Variants in SWT1 observed in about 807,000 individuals in gnomAD.
SWT1 encodes the protein transcriptional protein SWT1.
In SWT1, 33 loss-of-function variants were observed where a neutral mutation model predicts 107.3. That is an observed-to-expected ratio of 0.31 (90% CI 0.23 to 0.41). The LOEUF (loss-of-function observed/expected upper bound fraction) is 0.41, where lower values mean the gene tolerates loss of function less well. Ranked by LOEUF, SWT1 falls within the 10% of genes least tolerant of loss-of-function variation. The pLI is 1.00. For synonymous variants in SWT1, 345 were observed against 348.3 expected (o/e 0.99, Z 0.11); for missense variants, 898 against 1,028.9 (o/e 0.87, Z 1.74).
At chr1:185,179,890 C>G (rs1655876304) in intron 5 of SWT1, among the ~76,000 whole-genome samples, 2 of 152,190 alleles carry the variant, frequency 1.3e-5, no homozygotes, top group Admixed American at 1.3e-4. Flanking sequence ...TTTCGATTGT[C>G]AAGATTGAGG....
intron 16 of SWT1, among the ~76,000 whole-genome samples, chr1:185,256,913 T>G (rs1421812989): frequency 6.6e-6 from 1 of 152,202 alleles, no homozygotes; most frequent in Non-Finnish European, 1.5e-5. Context: ...TTTGTGGTTT[T>G]ATTTACTTTT....
At chr1:185,267,259 G>A (rs2102715677) in intron 16 of SWT1, among the ~76,000 whole-genome samples, 1 of 152,278 alleles carries the variant, frequency 6.6e-6, no homozygotes, top group Non-Finnish European at 1.5e-5. Flanking sequence ...AATTCGAACG[G>A]TAACTTTATG....
chr1:185,240,520 T>C (rs575267729), intron 16 of SWT1, among the ~76,000 whole-genome samples: 1 of 152,188 alleles, frequency 6.6e-6, no homozygotes, highest in South Asian at 2.1e-4. Flanking sequence ...TTTCTAGCTG[T>C]CATTTTGTTT....
intron 16 of SWT1, among the ~76,000 whole-genome samples, chr1:185,247,872 T>A (rs913732136): frequency 6.6e-6 from 1 of 152,214 alleles, no homozygotes; most frequent in Non-Finnish European, 1.5e-5. Flanking sequence ...GTGTTTTTTT[T>A]TCCTTCCTAA....
intron 16 of SWT1, among the ~76,000 whole-genome samples, chr1:185,257,316 G>A (rs867238526): frequency 6.6e-6 from 1 of 152,052 alleles, no homozygotes; most frequent in African/African-American, 2.4e-5. Flanking sequence ...CACCCAGTTC[G>A]AGCTTCCTGG....
chr1:185,284,526 C>T (rs567477166), intron 18 of SWT1, among the ~76,000 whole-genome samples: 3 of 152,262 alleles, frequency 2.0e-5, no homozygotes, highest in Middle Eastern at 3.4e-3. Context: ...AGACAGCTGC[C>T]CCTGGTGTGT....
Position 185,231,629 on chromosome 1 carries a change from A to G in SWT1, c.2362A>G (p.Ile788Val). ...GSNSALTTSN[I>V]ASFEEAFICL... ...AAATTCAGCTCTGACTACTTCAAAT[A>G]TAGCATCATTTGAAGAAGCATTTAT... The change falls in exon 16 of 19, where the codon ATA becomes GTA. Residue 788 changes from isoleucine (I) to valine (V), a missense_variant. Physicochemically the swap from Ile to Val is conservative, Grantham distance 29 (BLOSUM62 3). Coordinates refer to ENST00000367500, the MANE Select transcript of SWT1 (RefSeq NM_017673.7). 3.7e-6 allele frequency: 6 copies of G among 1,605,330 alleles called. No homozygotes were observed. Among genetic ancestry groups the G allele is most frequent in the Admixed American group, 1.7e-5 (1 of 59,998 alleles).
chr1:185,236,098 A>G (rs796968193), intron 16 of SWT1, among the ~76,000 whole-genome samples: 18 of 152,316 alleles, frequency 1.2e-4, no homozygotes, highest in African/African-American at 4.1e-4. Context: ...GGAAGAATCA[A>G]TATCATCAAA....
Position 185,238,863 on chromosome 1 carries a change from T to A in SWT1, c.2441+7155T>A, listed in dbSNP as rs75900900. Among the ~76,000 whole-genome samples, 847 of 152,130 alleles carry A rather than the reference T, an allele frequency of 5.6e-3. 33 individuals are homozygous for A. In the East Asian group the frequency reaches 0.094, roughly 17 times the overall value. ...ATCAAAAGAAGCTCAGTTTAAAAATTTTTTTGCTAAATATTGTTTTAAAAT... is the reference window on the plus strand; with the variant it reads ...ATCAAAAGAAGCTCAGTTTAAAAATATTTTTGCTAAATATTGTTTTAAAAT... On this transcript the variant is annotated intron_variant, in intron 16 of 18. Transcript: ENST00000367500.
chr1:185,178,723 C>A (rs977232755), intron 5 of SWT1, among the ~76,000 whole-genome samples: 21 of 152,090 alleles, frequency 1.4e-4, no homozygotes, highest in Non-Finnish European at 2.9e-4. Flanking sequence ...TGTTAATAAT[C>A]TCTGGCTTGT....
At chr1:185,273,078 A>AATGAATGG (rs1239623178) in intron 17 of SWT1, among the ~76,000 whole-genome samples, 6 of 151,864 alleles carry the variant, frequency 4.0e-5, no homozygotes, top group Non-Finnish European at 7.4e-5. Context: ...TTATTTAAGC[A>AATGAATGG]ATGAATGGTG....
intron 15 of SWT1, among the ~76,000 whole-genome samples, chr1:185,230,129 G>C (rs1362432325): frequency 2.6e-5 from 4 of 152,156 alleles, no homozygotes; most frequent in Non-Finnish European, 4.4e-5. Flanking sequence ...GAATACTTTG[G>C]AAAGTATAAA....
At chr1:185,171,266 A>T (rs1655035460) in intron 4 of SWT1, 1 of 192,430 alleles carries the variant, frequency 5.2e-6, no homozygotes, top group African/African-American at 2.4e-5. Flanking sequence ...AGATACAAGG[A>T]TGAACCACCA....
chr1:185,193,560 G>A (rs1316657732), intron 10 of SWT1, among the ~76,000 whole-genome samples: 2 of 151,356 alleles, frequency 1.3e-5, no homozygotes, highest in African/African-American at 2.4e-5. Context: ...TCTGCCTCCC[G>A]GATTCAAGCA....
chr1:185,271,132 A>G (rs1444224393), intron 16 of SWT1, among the ~76,000 whole-genome samples, 191 bp from the exon 17 acceptor site: 1 of 152,246 alleles, frequency 6.6e-6, no homozygotes, highest in Non-Finnish European at 1.5e-5. Flanking sequence ...CATTTTAATA[A>G]GTTGACCTCC....
chr1:185,245,122 A>G (rs1299165273), intron 16 of SWT1, among the ~76,000 whole-genome samples: 2 of 152,190 alleles, frequency 1.3e-5, no homozygotes, highest in African/African-American at 4.8e-5. Context: ...ATAAAAAAGG[A>G]CCACCCCTTT....
intron 4 of SWT1, among the ~76,000 whole-genome samples, chr1:185,171,055 T>C (rs942781339): frequency 6.6e-6 from 1 of 152,132 alleles, no homozygotes; most frequent in African/African-American, 2.4e-5. Context: ...ACCTCTAGCC[T>C]ACATCTCCCC....
intron 15 of SWT1, among the ~76,000 whole-genome samples, chr1:185,222,621 C>T (rs943689224): frequency 6.6e-6 from 1 of 151,680 alleles, no homozygotes; most frequent in Non-Finnish European, 1.5e-5. Flanking sequence ...AAAAATAAGC[C>T]GGGCGTGATG....
intron 18 of SWT1, among the ~76,000 whole-genome samples, chr1:185,284,558 G>A (rs1182798809): frequency 1.3e-5 from 2 of 152,208 alleles, no homozygotes; most frequent in African/African-American, 2.4e-5. Flanking sequence ...CTTGGGGAGT[G>A]TACCCTCAGC....
Sources: allele counts gnomAD v4.1 joint callset (sites outside exome capture counted in the v4.1 genomes callset), GRCh38; gene constraint gnomAD v4.1.1; transcripts MANE v1.5; gene names NCBI Gene and HGNC (gene_info 2026-07-23, HGNC 2026-07-21).